The following MGAT4C variants were observed in gnomAD, a reference collection of about 807,000 sequenced individuals.
MGAT4C encodes the protein MGAT4 family member C, also known as alpha-1,3-mannosyl-glycoprotein 4-beta-N-acetylglucosaminyltransferase C.
A neutral mutation model predicts 40.1 loss-of-function variants in MGAT4C; 19 were observed. That is an observed-to-expected ratio of 0.47 (90% CI 0.33 to 0.70). The LOEUF (loss-of-function observed/expected upper bound fraction) is 0.70. Ranked by LOEUF, MGAT4C falls within the 30% of genes least tolerant of loss-of-function variation. MGAT4C has a pLI of 0.02. For synonymous variants in MGAT4C, 181 were observed against 187.1 expected, an observed-to-expected ratio of 0.97 and a Z score of 0.27; for missense variants, 491 against 563.2, an observed-to-expected ratio of 0.87 and a Z score of 1.30.
intron 1 of MGAT4C, among the ~76,000 whole-genome samples, chr12:86,753,067 T>C (rs1951249207): frequency 6.6e-6 from 1 of 152,112 alleles, no homozygotes; most frequent in Non-Finnish European, 1.5e-5. Context: ...TCTTTAATGT[T>C]AAAATTCGTG....
intron 2 of MGAT4C, among the ~76,000 whole-genome samples, chr12:86,652,981 T>C (rs1208033865): frequency 6.6e-6 from 1 of 151,914 alleles, no homozygotes; most frequent in African/African-American, 2.4e-5. Context: ...CACAACAGAA[T>C]TATTCTTTTC....
rs1045954689 is a variant in MGAT4C, at chr12:86,578,241, C to T, written c.-228-142976G>A. On this transcript the variant is annotated intron_variant, in intron 2 of 7. Transcript: ENST00000548651. The stretch of plus-strand genomic sequence containing the variant: ...TCACAGGCCCTGGACCTTGTGCCTC[C>T]CTCTCTCCCTCCTCTTCCTTTCTCA... Among the ~76,000 whole-genome samples, 25 of 151,812 alleles carry T rather than the reference C, an allele frequency of 1.6e-4. 1 individual carries two copies. The highest frequency in any genetic ancestry group is 8.3e-4 in the South Asian group (4 of 4,818).
At chr12:86,734,100 A>C (rs1489524563) in intron 1 of MGAT4C, among the ~76,000 whole-genome samples, 1 of 152,136 alleles carries the variant, frequency 6.6e-6, no homozygotes. Flanking sequence ...TCAGAACTCT[A>C]GTGTGGCAAA....
intron 1 of MGAT4C, among the ~76,000 whole-genome samples, chr12:86,080,299 T>C (rs1055779539): frequency 2.0e-5 from 3 of 152,218 alleles, no homozygotes; most frequent in African/African-American, 7.2e-5. Context: ...GTACTCACTA[T>C]TCTGGGTAAT....
intron 2 of MGAT4C, among the ~76,000 whole-genome samples, chr12:86,584,980 G>C (rs1960950121): frequency 6.6e-6 from 1 of 151,320 alleles, no homozygotes. Flanking sequence ...TGAGCCATGT[G>C]TATTTGTCAA....
intron 1 of MGAT4C, among the ~76,000 whole-genome samples, chr12:86,741,731 C>T (rs942630670): frequency 6.6e-6 from 1 of 151,356 alleles, no homozygotes; most frequent in Admixed American, 6.6e-5. Context: ...GATTCATCTT[C>T]CTCTTATTCC....
In MGAT4C at chr12:86,611,456, TGATAGATA is replaced by T. The variant is rs5799787; in HGVS notation, c.-229+115745_-229+115752del. The stretch of plus-strand genomic sequence containing the variant: ...GATGACAGATAGATAGATAGATAGA[TGATAGATA>T]GATAGATAGATAGATAGATAGATAG... On this transcript the variant is annotated intron_variant, in intron 2 of 7. Transcript: ENST00000548651. 7.0e-3 allele frequency among the ~76,000 whole-genome samples: 1,008 copies of T among 143,658 alleles called. 3 individuals carry two copies. The highest frequency in any genetic ancestry group is 0.012 in the African/African-American group (463 of 38,356). 94.2% of individuals were successfully genotyped at this position (143,658 alleles called of 152,430 possible).
intron 2 of MGAT4C, among the ~76,000 whole-genome samples, chr12:86,722,674 T>G (rs1433549613): frequency 1.3e-5 from 2 of 152,166 alleles, no homozygotes; most frequent in African/African-American, 4.8e-5. Context: ...TATTGGCTGT[T>G]GTTACTAAAA....
intron 3 of MGAT4C, among the ~76,000 whole-genome samples, chr12:86,432,902 A>T (rs1957068420): frequency 6.6e-6 from 1 of 151,658 alleles, no homozygotes; most frequent in African/African-American, 2.4e-5. Context: ...TTTTTTTTTC[A>T]TAAAATTGAA....
intron 3 of MGAT4C, among the ~76,000 whole-genome samples, chr12:86,352,084 TATTA>T (rs1448075197): frequency 6.6e-6 from 1 of 152,104 alleles, no homozygotes; most frequent in Non-Finnish European, 1.5e-5. Context: ...TATTGGCACT[TATTA>T]ATTGATACTT....
intron 3 of MGAT4C, among the ~76,000 whole-genome samples, chr12:86,410,164 T>C (rs1475859388): frequency 2.6e-5 from 4 of 152,092 alleles, no homozygotes; most frequent in South Asian, 4.1e-4. Context: ...ATTGTCTTGA[T>C]AAACATCTTA....
chr12:86,691,033 C>G (rs1950163311), intron 2 of MGAT4C, among the ~76,000 whole-genome samples: 1 of 152,164 alleles, frequency 6.6e-6, no homozygotes, highest in Non-Finnish European at 1.5e-5. Context: ...ACTATTTTTA[C>G]TGGAATAAAT....
At chr12:86,430,787 C>A in intron 3 of MGAT4C, among the ~76,000 whole-genome samples, 1 of 152,096 alleles carries the variant, frequency 6.6e-6, no homozygotes, top group Non-Finnish European at 1.5e-5. Context: ...TTCTCCCTGT[C>A]AATATGGAGC....
intron 3 of MGAT4C, among the ~76,000 whole-genome samples, chr12:86,373,323 T>C (rs1254878428): frequency 6.6e-6 from 1 of 151,998 alleles, no homozygotes; most frequent in African/African-American, 2.4e-5. Context: ...CTGATCCATC[T>C]TTCATCATTC....
intron 2 of MGAT4C, among the ~76,000 whole-genome samples, chr12:86,687,820 G>T (rs537216822): frequency 8.5e-5 from 13 of 152,292 alleles, no homozygotes; most frequent in African/African-American, 3.1e-4. Flanking sequence ...TTGATTTGGG[G>T]TGGAGTGTTC....
intron 2 of MGAT4C, among the ~76,000 whole-genome samples, chr12:86,491,157 C>G (rs1014636822): frequency 6.6e-6 from 1 of 152,056 alleles, no homozygotes; most frequent in Non-Finnish European, 1.5e-5. Context: ...TAATCAATAG[C>G]TTACCAACCA....
At chr12:86,526,726 G>A (rs889791850) in intron 2 of MGAT4C, among the ~76,000 whole-genome samples, 1 of 152,198 alleles carries the variant, frequency 6.6e-6, no homozygotes, top group African/African-American at 2.4e-5. Flanking sequence ...TTAAGCCTAG[G>A]GGGAGGGCCA....
At chr12:86,682,607 A>G (rs1950002340) in intron 2 of MGAT4C, among the ~76,000 whole-genome samples, 1 of 152,102 alleles carries the variant, frequency 6.6e-6, no homozygotes, top group Non-Finnish European at 1.5e-5. Flanking sequence ...GGAAGCCCAA[A>G]CTAGGGAAAA....
chr12:86,362,742 C>G (rs1177655714), intron 3 of MGAT4C, among the ~76,000 whole-genome samples: 1 of 151,384 alleles, frequency 6.6e-6, no homozygotes, highest in East Asian at 2.0e-4. Flanking sequence ...TGGTGGGCAC[C>G]TGTAGTCCCA....
Sources: gnomAD v4.1 joint callset for allele counts (sites outside exome capture counted in the v4.1 genomes callset) on GRCh38, gnomAD v4.1.1 for gene constraint, MANE v1.5 for transcripts, NCBI Gene and HGNC (gene_info 2026-07-23, HGNC 2026-07-21) for gene names.